PDE4D: variants seen among roughly 807,000 people sequenced by gnomAD.
The protein encoded by PDE4D is phosphodiesterase 4D.
Under a neutral mutation model 87.4 loss-of-function variants are expected in PDE4D, and 24 were observed. The ratio of observed to expected loss-of-function variants is 0.27; its 90% CI spans 0.20 to 0.39. The LOEUF is 0.39. PDE4D is among the 10% of genes least tolerant of loss of function. The pLI is 1.00. For missense variants in PDE4D, 714 were observed against 1,041.0 expected (o/e 0.69, Z 4.32); for synonymous variants, 384 against 383.2 (o/e 1.00, Z -0.02).
At chr5:59,473,249 C>T (rs904608769) in intron 1 of PDE4D, among the ~76,000 whole-genome samples, 1 of 152,034 alleles carries the variant, frequency 6.6e-6, no homozygotes, top group Non-Finnish European at 1.5e-5. Context: ...ATACTAATGC[C>T]TCTCAAATAT....
At chr5:60,430,541 TTTTG>T (rs1287522763) in intron 1 of PDE4D, among the ~76,000 whole-genome samples, 3 of 142,172 alleles carry the variant, frequency 2.1e-5, no homozygotes, top group Admixed American at 1.4e-4. Flanking sequence ...TTTTGTTTTT[TTTTG>T]TTTGTTTTTT....
intron 1 of PDE4D, among the ~76,000 whole-genome samples, chr5:59,538,483 C>T (rs1815677773): frequency 7.1e-6 from 1 of 140,760 alleles, no homozygotes; most frequent in Admixed American, 7.4e-5. Flanking sequence ...TCTTCCTGTT[C>T]CTCGCTGTCA....
intron 5 of PDE4D, among the ~76,000 whole-genome samples, chr5:59,112,707 C>T (rs1772877923): frequency 6.6e-6 from 1 of 152,020 alleles, no homozygotes; most frequent in Admixed American, 6.5e-5. Flanking sequence ...GTGTGGGAGG[C>T]AGTTGGGGAA....
intron 1 of PDE4D, among the ~76,000 whole-genome samples, chr5:59,647,527 T>C (rs1256078226): frequency 6.6e-6 from 1 of 151,698 alleles, no homozygotes; most frequent in African/African-American, 2.4e-5. Flanking sequence ...ATCTGTAAAA[T>C]GTTCAGGTTA....
At chr5:59,029,340 C>A (rs1385923954) in intron 6 of PDE4D, among the ~76,000 whole-genome samples, 1 of 140,394 alleles carries the variant, frequency 7.1e-6, no homozygotes, top group East Asian at 2.1e-4. Flanking sequence ...CGGCGTGAAC[C>A]TGGGAGGTGG....
intron 1 of PDE4D, among the ~76,000 whole-genome samples, chr5:59,844,421 A>G (rs991135391): frequency 1.3e-5 from 2 of 152,098 alleles, no homozygotes; most frequent in African/African-American, 4.8e-5. Flanking sequence ...TTAATATTTT[A>G]CGGTATGCAG....
At chr5:59,304,949 T>C (rs1189563167) in intron 1 of PDE4D, among the ~76,000 whole-genome samples, 1 of 152,110 alleles carries the variant, frequency 6.6e-6, no homozygotes, top group African/African-American at 2.4e-5. Context: ...CTCTATCTTG[T>C]GGAATAGTGT....
intron 5 of PDE4D, among the ~76,000 whole-genome samples, chr5:59,056,526 G>A (rs1762392055): frequency 6.6e-6 from 1 of 151,916 alleles, no homozygotes; most frequent in Admixed American, 6.6e-5. Context: ...GTGGTTTACT[G>A]CACCCATCAG....
intron 1 of PDE4D, among the ~76,000 whole-genome samples, chr5:59,627,728 G>A (rs530309328): frequency 6.6e-6 from 1 of 152,272 alleles, no homozygotes; most frequent in East Asian, 1.9e-4. Flanking sequence ...CATAGCAATG[G>A]TTTTTACTGC....
intron 3 of PDE4D, among the ~76,000 whole-genome samples, chr5:59,983,142 C>T (rs17315957): frequency 0.24 from 36,598 of 151,878 alleles, 5,204 homozygotes; most frequent in Admixed American, 0.34. Context: ...ACTCACTACC[C>T]GGCCATCAGC....
intron 1 of PDE4D, among the ~76,000 whole-genome samples, chr5:59,892,834 T>C (rs945912576): frequency 1.3e-5 from 2 of 150,006 alleles, no homozygotes; most frequent in African/African-American, 4.9e-5. Flanking sequence ...CTAGCCAGGG[T>C]GGTATGGAAG....
rs575449603 is a variant in PDE4D, at chr5:59,730,463, AC to A, written c.455+162704del. 3.1e-3 allele frequency among the ~76,000 whole-genome samples: 466 copies of A among 152,274 alleles called. 2 individuals are homozygous for A. Among genetic ancestry groups the A allele is most frequent in the African/African-American group, 0.011 (446 of 41,568 alleles). On this transcript the variant is annotated intron_variant, in intron 1 of 14. Coordinates refer to ENST00000340635, the MANE Select transcript of PDE4D (RefSeq NM_001104631.2). Reference sequence around the variant, plus strand: ...TAAAATGCAGTCACTTTAATTACAAACTTTTACTTTCAGACTCACATATGCA... The same window carrying A: ...TAAAATGCAGTCACTTTAATTACAAATTTTACTTTCAGACTCACATATGCA...
chr5:59,221,040 A>G (rs1752441173), intron 1 of PDE4D, among the ~76,000 whole-genome samples: 1 of 152,128 alleles, frequency 6.6e-6, no homozygotes, highest in Admixed American at 6.6e-5. Context: ...TATCTCATTT[A>G]ATCCTCACAA....
intron 3 of PDE4D, among the ~76,000 whole-genome samples, chr5:59,950,203 A>G (rs1268133113): frequency 1.3e-5 from 2 of 152,164 alleles, no homozygotes; most frequent in African/African-American, 4.8e-5. Context: ...TTTGGAAAAA[A>G]GCCATATACC....
chr5:59,960,918 T>C (rs2152810332), intron 3 of PDE4D, among the ~76,000 whole-genome samples: 1 of 152,298 alleles, frequency 6.6e-6, no homozygotes, highest in South Asian at 2.1e-4. Flanking sequence ...AGATAAATTA[T>C]AGTTAGGGAA....
chr5:59,754,540 A>G (rs116769434), intron 1 of PDE4D, among the ~76,000 whole-genome samples: 98 of 152,130 alleles, frequency 6.4e-4, no homozygotes, highest in African/African-American at 2.2e-3. Context: ...AATTTGTAAT[A>G]TTTATTTGCG....
At chr5:59,944,675 C>T (rs1313264512) in intron 3 of PDE4D, among the ~76,000 whole-genome samples, 1 of 152,174 alleles carries the variant, frequency 6.6e-6, no homozygotes, top group Non-Finnish European at 1.5e-5. Flanking sequence ...CCAGCAGTAT[C>T]TGGGCATGCT....
intron 1 of PDE4D, among the ~76,000 whole-genome samples, chr5:59,456,885 G>A (rs769452770): frequency 1.2e-4 from 18 of 152,314 alleles, no homozygotes; most frequent in Non-Finnish European, 1.8e-4. Flanking sequence ...GCCTGAAGAT[G>A]TGACTGAATT....
intron 5 of PDE4D, among the ~76,000 whole-genome samples, chr5:59,114,398 G>A (rs888437820): frequency 6.6e-6 from 1 of 152,068 alleles, no homozygotes; most frequent in Admixed American, 6.6e-5. Context: ...GATATATAAG[G>A]AGGCACAAAT....
Sources: allele counts gnomAD v4.1 joint callset (sites outside exome capture counted in the v4.1 genomes callset), GRCh38; gene constraint gnomAD v4.1.1; transcripts MANE v1.5; gene names NCBI Gene and HGNC (gene_info 2026-07-23, HGNC 2026-07-21).